Variants in CSMD1 observed in about 807,000 individuals in gnomAD.
The protein encoded by CSMD1 is CUB and Sushi multiple domains 1.
CSMD1 carries 213 observed loss-of-function variants against 417.5 expected under a neutral mutation model. The ratio of observed to expected loss-of-function variants is 0.51; its 90% CI spans 0.46 to 0.57. The LOEUF (loss-of-function observed/expected upper bound fraction) is 0.57, where lower values mean the gene tolerates loss of function less well. Ranked by LOEUF, CSMD1 falls within the 20% of genes least tolerant of loss-of-function variation. The probability of loss-of-function intolerance (pLI) is 0.00; values close to 1 mark genes in which losing one functional copy is unlikely to be tolerated. For synonymous variants in CSMD1, 2,862 were observed against 1,736.8 expected, an observed-to-expected ratio of 1.65 and a Z score of -16.11; for missense variants, 6,923 against 4,529.7, an observed-to-expected ratio of 1.53 and a Z score of -15.17.
chr8:3,361,237 A>G (rs1289470706), intron 20 of CSMD1, among the ~76,000 whole-genome samples: 1 of 152,212 alleles, frequency 6.6e-6, no homozygotes, highest in East Asian at 1.9e-4. Context: ...CAATTCAGAT[A>G]ATATTATCAC....
At chr8:3,143,892 T>C (rs1199690847) in intron 40 of CSMD1, among the ~76,000 whole-genome samples, 4 of 152,164 alleles carry the variant, frequency 2.6e-5, no homozygotes, top group African/African-American at 7.2e-5. Flanking sequence ...GAAAACACAG[T>C]TGTCAGAGGG....
chr8:4,554,137 C>G (rs1189824761), intron 2 of CSMD1, among the ~76,000 whole-genome samples: 1 of 151,940 alleles, frequency 6.6e-6, no homozygotes, highest in Admixed American at 6.6e-5. Context: ...GAAACAATCG[C>G]GATTTATTTA....
rs17068668 is a variant in CSMD1, at chr8:4,039,226, A to G, written c.416-7127T>C. On this transcript the variant is annotated intron_variant, in intron 3 of 69. Transcript: ENST00000635120. ...TTAGGGTTTCTCTCCATTTCTCTAC[A>G]CTTTGCCTCTGTAGTAGTCTCCTGG... 6.6e-3 allele frequency among the ~76,000 whole-genome samples: 1,009 copies of G among 152,206 alleles called. 14 individuals are homozygous for G. The highest frequency in any genetic ancestry group is 0.023 in the African/African-American group (937 of 41,514).
chr8:3,938,110 G>C (rs534366490), intron 5 of CSMD1, among the ~76,000 whole-genome samples: 3 of 152,232 alleles, frequency 2.0e-5, no homozygotes, highest in Non-Finnish European at 4.4e-5. Flanking sequence ...AAAGTGTGAA[G>C]CATATAAAAT....
chr8:3,479,196 C>G (rs1817597512), intron 11 of CSMD1, among the ~76,000 whole-genome samples: 1 of 152,146 alleles, frequency 6.6e-6, no homozygotes, highest in Non-Finnish European at 1.5e-5. Context: ...AGGCTGAGAC[C>G]CACATGCCAA....
chr8:4,054,486 G>A (rs1798591868), intron 3 of CSMD1, among the ~76,000 whole-genome samples: 1 of 152,026 alleles, frequency 6.6e-6, no homozygotes, highest in African/African-American at 2.4e-5. Context: ...CATTTTGGAA[G>A]CTTTTGTCAT....
intron 49 of CSMD1, 128 bp from the exon 50 acceptor site, chr8:3,052,775 T>TC: frequency 1.6e-6 from 1 of 636,822 alleles, no homozygotes; most frequent in Non-Finnish European, 2.3e-6. Flanking sequence ...ATATTTCTTT[T>TC]TTTTTCTTTC....
At position 4,416,648 on chromosome 8, in the gene CSMD1, C is replaced by T. The variant is rs556290854; in HGVS notation, c.415+3305G>A. 3.3e-5 allele frequency among the ~76,000 whole-genome samples: 5 copies of T among 151,838 alleles called. No individual in the cohort carries two copies. The South Asian group carries it at 8.3e-4, about 25-fold the overall frequency. ...AAAGAGAAAAATATATAAAGTACAT[C>T]AGAGAGAGAGGCTCTTTGGGGAACA... On this transcript the variant is annotated intron_variant, in intron 3 of 69. Coordinates refer to ENST00000635120, the MANE Select transcript of CSMD1 (RefSeq NM_033225.6).
chr8:3,956,637 T>C (rs1811968211), intron 5 of CSMD1, among the ~76,000 whole-genome samples: 1 of 152,218 alleles, frequency 6.6e-6, no homozygotes, highest in African/African-American at 2.4e-5. Context: ...AATGTTGTTA[T>C]TTTCATTTTT....
intron 28 of CSMD1, among the ~76,000 whole-genome samples, chr8:3,222,854 T>C (rs984622503): frequency 5.9e-5 from 9 of 152,334 alleles, no homozygotes; most frequent in African/African-American, 2.2e-4. Flanking sequence ...AAAATTCTAC[T>C]GACTCAGATC....
At chr8:3,815,623 T>C (rs916221111) in intron 5 of CSMD1, among the ~76,000 whole-genome samples, 6 of 56,568 alleles carry the variant, frequency 1.1e-4, no homozygotes, top group African/African-American at 5.5e-4. Context: ...ACTGCTAGAC[T>C]TTCTTTTTTT....
intron 5 of CSMD1, among the ~76,000 whole-genome samples, chr8:3,787,329 G>A (rs1050086998): frequency 6.6e-6 from 1 of 152,140 alleles, no homozygotes; most frequent in African/African-American, 2.4e-5. Flanking sequence ...GAAAGCTATA[G>A]AGAAAACAGT....
chr8:4,562,747 G>GTTAGCAGA (rs1798404177), intron 2 of CSMD1, among the ~76,000 whole-genome samples: 2 of 152,018 alleles, frequency 1.3e-5, no homozygotes, highest in African/African-American at 4.8e-5. Flanking sequence ...GATGCATGCT[G>GTTAGCAGA]GTGGCTGTTA....
At chr8:3,435,180 G>A (rs1258561242) in intron 12 of CSMD1, among the ~76,000 whole-genome samples, 1 of 152,120 alleles carries the variant, frequency 6.6e-6, no homozygotes, top group Non-Finnish European at 1.5e-5. Context: ...AAGTCAGAGG[G>A]CAAAAAAGCC....
At chr8:4,041,226 C>T (rs1028902792) in intron 3 of CSMD1, among the ~76,000 whole-genome samples, 4 of 151,934 alleles carry the variant, frequency 2.6e-5, no homozygotes, top group Admixed American at 1.3e-4. Flanking sequence ...ACCGTGTTAG[C>T]CAGGATGGTC....
intron 5 of CSMD1, among the ~76,000 whole-genome samples, chr8:3,935,257 T>C (rs910552687): frequency 2.0e-5 from 3 of 152,188 alleles, no homozygotes; most frequent in Non-Finnish European, 1.5e-5. Context: ...ACAGAATCAT[T>C]ATATGAAAGA....
chr8:4,297,160 A>G (rs1028298171), intron 3 of CSMD1, among the ~76,000 whole-genome samples: 21 of 152,156 alleles, frequency 1.4e-4, no homozygotes, highest in African/African-American at 5.1e-4. Context: ...CACATAAAAT[A>G]GTCATGAATA....
At chr8:4,090,813 T>C (rs558693761) in intron 3 of CSMD1, among the ~76,000 whole-genome samples, 13 of 152,328 alleles carry the variant, frequency 8.5e-5, no homozygotes, top group African/African-American at 2.6e-4. Context: ...ACATATATTC[T>C]TTAAGTCGAA....
chr8:3,590,460 T>C (rs1260815956), intron 8 of CSMD1, among the ~76,000 whole-genome samples: 1 of 152,158 alleles, frequency 6.6e-6, no homozygotes, highest in South Asian at 2.1e-4. Flanking sequence ...TTTCAAAGAC[T>C]AGTTCAGTGG....
Sources: gnomAD v4.1 joint callset for allele counts (sites outside exome capture counted in the v4.1 genomes callset) on GRCh38, gnomAD v4.1.1 for gene constraint, MANE v1.5 for transcripts, NCBI Gene and HGNC (gene_info 2026-07-23, HGNC 2026-07-21) for gene names.